ARK2N: variants seen among roughly 807,000 people sequenced by gnomAD.
ARK2N encodes arkadia (RNF111) N-terminal like PKA signaling regulator 2N.
chr18:46,216,144 C>T, the ARK2N span: 2 of 1,614,034 alleles, frequency 1.2e-6, no homozygotes, highest in Non-Finnish European at 1.7e-6. The surrounding 1 kb of genome is among the most constrained non-coding windows in gnomAD (Gnocchi z 4.3). Flanking sequence ...ATGAGAGTGA[C>T]TCCTCTAATC....
the ARK2N span, chr18:46,264,753 T>TTTTTTAA: frequency 6.7e-6 from 1 of 148,364 alleles, no homozygotes; most frequent in African/African-American, 2.5e-5. Context: ...TTTTTTTTTG[T>TTTTTTAA]AAAGACAAGT....
At chr18:46,251,589 G>T in the ARK2N span, among the ~76,000 whole-genome samples, 1 of 151,994 alleles carries the variant, frequency 6.6e-6, no homozygotes, top group African/African-American at 2.4e-5. Context: ...GGTAAAAATA[G>T]TACTAAAGAA....
At chr18:46,243,572 C>T in the ARK2N span, among the ~76,000 whole-genome samples, 3 of 152,298 alleles carry the variant, frequency 2.0e-5, no homozygotes, top group African/African-American at 7.2e-5. Flanking sequence ...ACTTGAACCA[C>T]ATGCAGGGAT....
At chr18:46,224,549 G>A in the ARK2N span, among the ~76,000 whole-genome samples, 5 of 152,202 alleles carry the variant, frequency 3.3e-5, no homozygotes, top group Non-Finnish European at 7.4e-5. Flanking sequence ...AATCACCTGG[G>A]GAGCTTAAAC....
chr18:46,179,106 C>G, the ARK2N span, among the ~76,000 whole-genome samples: 11 of 151,530 alleles, frequency 7.3e-5, no homozygotes, highest in African/African-American at 2.7e-4. Context: ...CCACACCCAG[C>G]TAATTTTTTA....
chr18:46,206,578 T>A, the ARK2N span, among the ~76,000 whole-genome samples: 1 of 152,206 alleles, frequency 6.6e-6, no homozygotes, highest in African/African-American at 2.4e-5. Context: ...ATTTAAATAA[T>A]CATTTCATCT....
the ARK2N span, among the ~76,000 whole-genome samples, chr18:46,235,905 TGAAAAG>T: frequency 0.62 from 94,194 of 151,344 alleles, 31,424 homozygotes; most frequent in Non-Finnish European, 0.74. Context: ...AGAACATACT[TGAAAAG>T]GAAACTAATT....
At chr18:46,183,462 A>G in the ARK2N span, among the ~76,000 whole-genome samples, 1 of 152,188 alleles carries the variant, frequency 6.6e-6, no homozygotes, top group Non-Finnish European at 1.5e-5. Flanking sequence ...CAGTAGGTGC[A>G]TAATATTTGG....
chr18:46,214,181 C>A, the ARK2N span, among the ~76,000 whole-genome samples: 1 of 152,286 alleles, frequency 6.6e-6, no homozygotes, highest in South Asian at 2.1e-4. Flanking sequence ...CATGTTAGAT[C>A]TGTTTTAAAG....
chr18:46,233,014 G>A, the ARK2N span: 26 of 152,094 alleles, frequency 1.7e-4, no homozygotes, highest in African/African-American at 6.3e-4. Context: ...CCTGAATCAA[G>A]AAACTTGCTT....
At chr18:46,202,388 A>G in the ARK2N span, among the ~76,000 whole-genome samples, 1 of 152,238 alleles carries the variant, frequency 6.6e-6, no homozygotes, top group Non-Finnish European at 1.5e-5. Flanking sequence ...AACATAGGAA[A>G]GGCATTTATT....
the ARK2N span, among the ~76,000 whole-genome samples, chr18:46,188,141 C>T: frequency 1.3e-5 from 2 of 152,134 alleles, no homozygotes; most frequent in African/African-American, 2.4e-5. Context: ...TAATGTCAGG[C>T]AAGAGTAACT....
At chr18:46,193,358 C>G in the ARK2N span, among the ~76,000 whole-genome samples, 241 of 151,804 alleles carry the variant, frequency 1.6e-3, 3 homozygotes, top group African/African-American at 5.2e-3. Context: ...GGCATGATCT[C>G]GGCTCACGGC....
At chr18:46,195,186 A>G in the ARK2N span, among the ~76,000 whole-genome samples, 1 of 152,038 alleles carries the variant, frequency 6.6e-6, no homozygotes, top group African/African-American at 2.4e-5. Flanking sequence ...CACAGTTTCA[A>G]TAATTATCCA....
At chr18:46,245,752 T>G in the ARK2N span, among the ~76,000 whole-genome samples, 1 of 152,160 alleles carries the variant, frequency 6.6e-6, no homozygotes, top group Non-Finnish European at 1.5e-5. Flanking sequence ...TCTTACCCAG[T>G]GGATTTACAG....
chr18:46,227,383 A>G, the ARK2N span, among the ~76,000 whole-genome samples: 8 of 152,330 alleles, frequency 5.3e-5, no homozygotes, highest in Middle Eastern at 3.4e-3. Flanking sequence ...GTAAATTACC[A>G]GTAATAGACT....
chr18:46,225,508 GA>G, the ARK2N span, among the ~76,000 whole-genome samples: 1 of 152,186 alleles, frequency 6.6e-6, no homozygotes, highest in East Asian at 1.9e-4. Context: ...GCGCAGGCTG[GA>G]GTGCAATGGC....
At chr18:46,198,149 A>G in the ARK2N span, among the ~76,000 whole-genome samples, 8 of 151,908 alleles carry the variant, frequency 5.3e-5, no homozygotes, top group African/African-American at 1.5e-4. Flanking sequence ...TAAAAATACA[A>G]AAGTTAGCCG....
the ARK2N span, among the ~76,000 whole-genome samples, chr18:46,203,887 A>C: frequency 6.6e-6 from 1 of 152,164 alleles, no homozygotes; most frequent in Admixed American, 6.6e-5. Flanking sequence ...GCAACCCCCA[A>C]AAATGTTTAA....
Sources: gnomAD v4.1 joint callset for allele counts (sites outside exome capture counted in the v4.1 genomes callset) on GRCh38, gnomAD v4.1.1 for gene constraint, Gnocchi (gnomAD v3.1) non-coding constraint, MANE v1.5 for transcripts, NCBI Gene and HGNC (gene_info 2026-07-23, HGNC 2026-07-21) for gene names.